Variants in OR51L1 observed in about 807,000 individuals in gnomAD.
The protein encoded by OR51L1 is olfactory receptor 51L1.
In OR51L1, 1 loss-of-function variant was observed where a neutral mutation model predicts 1.4. The observed-to-expected ratio is 0.72, with a 90% CI of 0.26 to 3.42. OR51L1 has a LOEUF of 3.42. Ranked by LOEUF, OR51L1 falls within the 30% of genes most tolerant of loss-of-function variation. The pLI is 0.20. For synonymous variants in OR51L1, 156 were observed against 144.2 expected (o/e 1.08, Z -0.59); for missense variants, 378 against 380.0 (o/e 0.99, Z 0.04).
Position 4,999,821 on chromosome 11 carries a change from A to G in OR51L1, c.839A>G (p.Asp280Gly), listed in dbSNP as rs1847112113. The G allele has an allele frequency of 6.2e-7, 1 of 1,613,936 alleles. No individual in the cohort carries two copies. The highest frequency in any genetic ancestry group is 1.3e-5 in the African/African-American group (1 of 74,882). ...CCCATAGTCCACATCCTCATGGCAG[A>G]CATCTACCTTCTTCTTCCCCCAGTC... Reference protein sequence around the residue: ...LSPIVHILMADIYLLLPPVLN... With the variant: ...LSPIVHILMAGIYLLLPPVLN... The change falls in exon 3 of 3, where the codon GAC becomes GGC. Residue 280 changes from aspartate to glycine, a missense_variant. Asp to Gly is a moderately conservative substitution (Grantham distance 94). Transcript: ENST00000641819.
chr11:4,999,306 A>T lies in OR51L1; in HGVS notation c.324A>T (p.Thr108=). 6 of 1,614,164 alleles carry T rather than the reference A, an allele frequency of 3.7e-6. No individual in the cohort carries two copies. In the South Asian group the frequency reaches 6.6e-5, roughly 18 times the overall value. The change falls in exon 3 of 3, where the codon ACA becomes ACT. Residue 108 remains threonine (T), a synonymous_variant. Transcript: ENST00000641819. Reference sequence around the variant, plus strand: ...ATGCTCAGCTGTTCTTCATCCACACATTCACATTCCTGGAGTCCTCAGTGT... The same window carrying T: ...ATGCTCAGCTGTTCTTCATCCACACTTTCACATTCCTGGAGTCCTCAGTGT... ...ACYAQLFFIH[T]FTFLESSVLL... is the part of the protein sequence containing the mutation.
rs1847097187 is a variant in OR51L1, at chr11:4,998,929, A to G, written c.-54A>G. On this transcript the variant is annotated 5_prime_UTR_variant, in exon 3 of 3. Coordinates refer to ENST00000641819, the MANE Select transcript of OR51L1 (RefSeq NM_001004755.2). ...TCAAAAGAGATAACTTTGAGGGATC[A>G]GGAAGGAAAACACGAACCATTCCTC... is the stretch of plus-strand genomic sequence containing the variant. 26 of 1,561,264 alleles carry G rather than the reference A, an allele frequency of 1.7e-5. No homozygotes were observed. Among genetic ancestry groups the G allele is most frequent in the Non-Finnish European group, 2.2e-5 (25 of 1,151,558 alleles).
rs922997447 is a variant in OR51L1, at chr11:5,000,384, T to C, written c.*454T>C. 1 of 156,632 alleles carries C rather than the reference T, an allele frequency of 6.4e-6. No homozygotes were observed. Among genetic ancestry groups the C allele is most frequent in the Admixed American group, 6.1e-5 (1 of 16,334 alleles). The allele number at this position is 156,632 out of a possible 1,614,324, so 9.7% of individuals were successfully genotyped here. On this transcript the variant is annotated 3_prime_UTR_variant, in exon 3 of 3. Coordinates refer to ENST00000641819, the MANE Select transcript of OR51L1 (RefSeq NM_001004755.2). ...CATGCTACAATGTCATAACTGTTTA[T>C]GAAAAATTTGAGTCCTTAGGGCAAG...
At position 5,003,747 on chromosome 11, in the gene OR51L1, G is replaced by T. The variant is rs1285627446; in HGVS notation, c.*3817G>T. ...TTTCAAGCGGAAGATCAAACACAGT[G>T]TGTAAGCCTGGAGAACTAAAAATAA... On this transcript the variant is annotated 3_prime_UTR_variant, in exon 3 of 3. Coordinates refer to ENST00000641819, the MANE Select transcript of OR51L1 (RefSeq NM_001004755.2). 6.6e-6 allele frequency: 1 copy of T among 152,096 alleles called. No homozygotes were observed. Among genetic ancestry groups the T allele is most frequent in the Non-Finnish European group, 1.5e-5 (1 of 68,026 alleles). 9.4% of individuals were successfully genotyped at this position (152,096 alleles called of 1,614,324 possible).
rs1847165411 is a variant in OR51L1 at position 5,005,195 on chromosome 11, C to T, written c.*5265C>T. 6.6e-6 allele frequency: 1 copy of T among 152,196 alleles called. No individual in the cohort carries two copies. Among genetic ancestry groups the T allele is most frequent in the Non-Finnish European group, 1.5e-5 (1 of 68,038 alleles). 9.4% of individuals were successfully genotyped at this position (152,196 alleles called of 1,614,324 possible). On this transcript the variant is annotated 3_prime_UTR_variant, in exon 3 of 3. Transcript: ENST00000641819. ...TCCAGGTCTAGCTCCTAAAACTCCA[C>T]ACCGATTATGTCACTTACAAGTTTA...
chr11:4,998,194 A>AACACACACAC (rs3066001), intron 2 of OR51L1, among the ~76,000 whole-genome samples: 4 of 145,884 alleles, frequency 2.7e-5, no homozygotes, highest in East Asian at 2.1e-4. Flanking sequence ...TTATTTCACA[A>AACACACACAC]ACACACACAC....
At position 4,998,941 on chromosome 11, in the gene OR51L1, A is replaced by C; in HGVS notation, c.-42A>C. 1 of 1,577,902 alleles carries C rather than the reference A, an allele frequency of 6.3e-7. No homozygotes were observed. The highest frequency in any genetic ancestry group is 8.6e-7 in the Non-Finnish European group (1 of 1,160,444). Reference sequence around the variant, plus strand: ...ACTTTGAGGGATCAGGAAGGAAAACACGAACCATTCCTCACTACTTGCTGA... The same window carrying C: ...ACTTTGAGGGATCAGGAAGGAAAACCCGAACCATTCCTCACTACTTGCTGA... On this transcript the variant is annotated 5_prime_UTR_variant, in exon 3 of 3. Transcript: ENST00000641819.
At chr11:4,997,825 C>T in intron 2 of OR51L1, among the ~76,000 whole-genome samples, 1 of 152,066 alleles carries the variant, frequency 6.6e-6, no homozygotes, top group East Asian at 1.9e-4. Context: ...CTCAGAAGAG[C>T]TTGGTTGTTT....
chr11:4,999,628 A>G lies in OR51L1; in HGVS notation c.646A>G (p.Ile216Val), dbSNP rs755992283. ...CACACTAGGTGTGGATTCAATCTTC[A>G]TACTTCTTTCTTATGTTCTGATTCT... ...IATLGVDSIF[I>V]LLSYVLILNT... The change falls in exon 3 of 3, where the codon ATA becomes GTA. Residue 216 changes from isoleucine (I) to valine (V), a missense_variant. Transcript: ENST00000641819. 5.6e-6 allele frequency: 9 copies of G among 1,613,792 alleles called. No individual in the cohort carries two copies. The highest frequency in any genetic ancestry group is 7.6e-6 in the Non-Finnish European group (9 of 1,179,932).
rs745967405 is a variant in OR51L1 at position 4,999,775 on chromosome 11, C to T, written c.793C>T (p.Arg265Cys). ...VPVIGVSMVHRFGKHLSPIVH... is the reference protein window; with the variant it reads ...VPVIGVSMVHCFGKHLSPIVH... Reference sequence around the variant, plus strand: ...AGTTATTGGGGTGTCAATGGTCCATCGCTTTGGGAAGCATCTGTCTCCCAT... The same window carrying T: ...AGTTATTGGGGTGTCAATGGTCCATTGCTTTGGGAAGCATCTGTCTCCCAT... Residue 265 changes from arginine to cysteine, a missense_variant, in exon 3 of 3, where the codon CGC (arginine) becomes TGC (cysteine). Coordinates refer to ENST00000641819, the MANE Select transcript of OR51L1 (RefSeq NM_001004755.2). 4 of 1,613,934 alleles carry T rather than the reference C, an allele frequency of 2.5e-6. No individual in the cohort carries two copies. Among genetic ancestry groups the T allele is most frequent in the East Asian group, 2.2e-5 (1 of 44,876 alleles).
chr11:4,996,699 T>G (rs1360408585), intron 1 of OR51L1, among the ~76,000 whole-genome samples: 1 of 137,418 alleles, frequency 7.3e-6, no homozygotes, highest in Non-Finnish European at 1.6e-5. Flanking sequence ...TTTTCTTTCT[T>G]TTCCTTCCTT....
In OR51L1 at chr11:4,998,820, A is replaced by G. The variant is rs903235810; in HGVS notation, c.-159-4A>G. The G allele has an allele frequency of 4.2e-6, 3 of 718,352 alleles. No homozygotes were observed. Among genetic ancestry groups the G allele is most frequent in the Admixed American group, 3.0e-5 (1 of 33,414 alleles). 44.5% of individuals were successfully genotyped at this position (718,352 alleles called of 1,614,324 possible). A position where few individuals can be genotyped will look rare whatever the true frequency, so the allele number is the denominator to read the frequency against. ...CTTAATATTGGGAAATGTTTTTTACATAGGGCCGACAAGAGATACCAGCTT... is the reference window on the plus strand; with the variant it reads ...CTTAATATTGGGAAATGTTTTTTACGTAGGGCCGACAAGAGATACCAGCTT... On this transcript the variant is annotated splice_polypyrimidine_tract_variant and splice_region_variant and intron_variant, in intron 2 of 2. Coordinates refer to ENST00000641819, the MANE Select transcript of OR51L1 (RefSeq NM_001004755.2).
At position 5,004,557 on chromosome 11, in the gene OR51L1, G is replaced by A. The variant is rs1027094970; in HGVS notation, c.*4627G>A. ...TATTACTAAATATTTCTCATTACAC[G>A]CCTCTGGTAGAAGAGAGAGAATAAT... On this transcript the variant is annotated 3_prime_UTR_variant, in exon 3 of 3. Transcript: ENST00000641819. 1 of 152,048 alleles carries A rather than the reference G, an allele frequency of 6.6e-6. No individual in the cohort carries two copies. Among genetic ancestry groups the A allele is most frequent in the African/African-American group, 2.4e-5 (1 of 41,404 alleles). 9.4% of individuals were successfully genotyped at this position (152,048 alleles called of 1,614,324 possible). A position where few individuals can be genotyped will look rare whatever the true frequency, so the allele number is the denominator to read the frequency against.
rs1241801351 is a variant in OR51L1 at position 5,000,392 on chromosome 11, T to G, written c.*462T>G. 6.4e-6 allele frequency: 1 copy of G among 156,146 alleles called. No homozygotes were observed. Among genetic ancestry groups the G allele is most frequent in the African/African-American group, 2.4e-5 (1 of 41,454 alleles). The allele number at this position is 156,146 out of a possible 1,614,324, so 9.7% of individuals were successfully genotyped here. On this transcript the variant is annotated 3_prime_UTR_variant, in exon 3 of 3. Coordinates refer to ENST00000641819, the MANE Select transcript of OR51L1 (RefSeq NM_001004755.2). ...AATGTCATAACTGTTTATGAAAAATTTGAGTCCTTAGGGCAAGTTTGGAAC... is the reference window on the plus strand; with the variant it reads ...AATGTCATAACTGTTTATGAAAAATGTGAGTCCTTAGGGCAAGTTTGGAAC...
chr11:4,997,424 C>T (rs948463888), intron 1 of OR51L1, 58 bp from the exon 2 acceptor site: 4 of 152,134 alleles, frequency 2.6e-5, no homozygotes, highest in Admixed American at 1.3e-4. Flanking sequence ...TTTGAGACCA[C>T]ATTTGGAAAT....
At chr11:4,997,399 G>A (rs1315277144) in intron 1 of OR51L1, 83 bp from the exon 2 acceptor site, 1 of 152,132 alleles carries the variant, frequency 6.6e-6, no homozygotes, top group Non-Finnish European at 1.5e-5. Flanking sequence ...GCTAGCTGGA[G>A]CCTTGTGATA....
In OR51L1 at chr11:5,004,948, A is replaced by T. The variant is rs1316111171; in HGVS notation, c.*5018A>T. On this transcript the variant is annotated 3_prime_UTR_variant, in exon 3 of 3. Transcript: ENST00000641819. Reference sequence around the variant, plus strand: ...TGTAAAAGAAAATAAAAATTGAAGGACCCCCCAAACTTGTGCAGAAGTAAA... The same window carrying T: ...TGTAAAAGAAAATAAAAATTGAAGGTCCCCCCAAACTTGTGCAGAAGTAAA... The T allele has an allele frequency of 6.6e-6, 1 of 152,034 alleles. No homozygotes were observed. Among genetic ancestry groups the T allele is most frequent in the East Asian group, 1.9e-4 (1 of 5,174 alleles). 9.4% of individuals were successfully genotyped at this position (152,034 alleles called of 1,614,324 possible).
Position 4,999,659 on chromosome 11 carries a change from C to A in OR51L1, c.677C>A (p.Thr226Asn). 6.2e-7 allele frequency: 1 copy of A among 1,614,000 alleles called. No homozygotes were observed. Among genetic ancestry groups the A allele is most frequent in the African/African-American group, 1.3e-5 (1 of 75,006 alleles). The change falls in exon 3 of 3, where the codon ACT becomes AAT. Residue 226 changes from threonine to asparagine, a missense_variant. Thr to Asn is a moderately conservative substitution (Grantham distance 65, BLOSUM62 0). Transcript: ENST00000641819. Reference sequence around the variant, plus strand: ...CTTTCTTATGTTCTGATTCTTAATACTGTGCTGGATATTGCATCTCGTGAA... The same window carrying A: ...CTTTCTTATGTTCTGATTCTTAATAATGTGCTGGATATTGCATCTCGTGAA... ...ILLSYVLILN[T>N]VLDIASREEQ...
At chr11:4,998,236 C>T (rs891174743) in intron 2 of OR51L1, among the ~76,000 whole-genome samples, 3 of 142,264 alleles carry the variant, frequency 2.1e-5, no homozygotes, top group Non-Finnish European at 3.1e-5. Context: ...CACACACACA[C>T]GCATATACAC....
Sources: gnomAD v4.1 joint callset for allele counts (sites outside exome capture counted in the v4.1 genomes callset) on GRCh38, gnomAD v4.1.1 for gene constraint, MANE v1.5 for transcripts, NCBI Gene and HGNC (gene_info 2026-07-23, HGNC 2026-07-21) for gene names.